The following CNTN5 variants were observed in gnomAD, a reference collection of about 807,000 sequenced individuals.
CNTN5 encodes contactin 5.
In CNTN5, 77 loss-of-function variants were observed where a neutral mutation model predicts 129.1. That is an observed-to-expected ratio of 0.60 (90% CI 0.50 to 0.72). The LOEUF (loss-of-function observed/expected upper bound fraction) is 0.72, where lower values mean the gene tolerates loss of function less well. Among genes scored for constraint, CNTN5 ranks in the 30% least tolerant of loss-of-function variants. CNTN5 has a pLI of 0.00. For missense variants in CNTN5, 1,478 were observed against 1,328.8 expected (o/e 1.11, Z -1.75); for synonymous variants, 509 against 465.6 (o/e 1.09, Z -1.20).
chr11:99,958,613 T>TA (rs1950862683), intron 8 of CNTN5, among the ~76,000 whole-genome samples: 1 of 152,166 alleles, frequency 6.6e-6, no homozygotes, highest in South Asian at 2.1e-4. Flanking sequence ...AATGTGTATA[T>TA]ATTATGCCAA....
chr11:99,261,363 T>A lies in CNTN5; in HGVS notation c.-209-63983T>A, dbSNP rs561451305. Among the ~76,000 whole-genome samples, 11 of 152,160 alleles carry A rather than the reference T, an allele frequency of 7.2e-5. 1 individual carries two copies. Among genetic ancestry groups the A allele is most frequent in the African/African-American group, 2.2e-4 (9 of 41,576 alleles). On this transcript the variant is annotated intron_variant, in intron 1 of 24. Coordinates refer to ENST00000524871, the MANE Select transcript of CNTN5 (RefSeq NM_014361.4). ...ATACCTACTCAATAGCCCCTGTTTA[T>A]TGGGTTTAATGTAGTAAAACATTGA...
chr11:100,322,673 T>C (rs1951718005), intron 21 of CNTN5, among the ~76,000 whole-genome samples: 1 of 152,196 alleles, frequency 6.6e-6, no homozygotes, highest in South Asian at 2.1e-4. Context: ...TTTTACCATA[T>C]TGAGTCTCCT....
chr11:100,041,087 C>A lies in CNTN5; in HGVS notation c.981-20125C>A, dbSNP rs146428790. ...CGTCACTCACACTAGGAGCTGTAGACTGGAGCTGTTCCTATTCGGCCATCT... is the reference window on the plus strand; with the variant it reads ...CGTCACTCACACTAGGAGCTGTAGAATGGAGCTGTTCCTATTCGGCCATCT... On this transcript the variant is annotated intron_variant, in intron 9 of 24. Transcript: ENST00000524871. Among the ~76,000 whole-genome samples, 177 of 149,894 alleles carry A rather than the reference C, an allele frequency of 1.2e-3. 1 individual carries two copies. The highest frequency in any genetic ancestry group is 4.2e-3 in the African/African-American group (172 of 40,816).
At chr11:99,236,945 A>G (rs532390032) in intron 1 of CNTN5, among the ~76,000 whole-genome samples, 39 of 151,728 alleles carry the variant, frequency 2.6e-4, no homozygotes, top group Non-Finnish European at 5.6e-4. Flanking sequence ...AATTTTCTGC[A>G]TAATTTATAT....
chr11:99,703,149 A>G (rs886334450), intron 3 of CNTN5, among the ~76,000 whole-genome samples: 21 of 149,718 alleles, frequency 1.4e-4, no homozygotes, highest in Admixed American at 2.0e-4. Context: ...CGTATTTATA[A>G]TCTTTGAGTT....
At chr11:99,939,597 A>T (rs908290240) in intron 7 of CNTN5, among the ~76,000 whole-genome samples, 1 of 151,726 alleles carries the variant, frequency 6.6e-6, no homozygotes, top group African/African-American at 2.4e-5. Context: ...TCCATGTGCC[A>T]CTGTATCAAT....
At chr11:100,257,423 C>T (rs79219724) in intron 17 of CNTN5, among the ~76,000 whole-genome samples, 27 of 152,308 alleles carry the variant, frequency 1.8e-4, no homozygotes, top group Admixed American at 9.2e-4. Context: ...CCCAGCGCAG[C>T]GCTCAAGCCC....
rs113132314 is a variant in CNTN5, at chr11:99,477,774, A to AC, written c.-70-78367dup. Among the ~76,000 whole-genome samples, 1,473 of 151,026 alleles carry AC rather than the reference A, an allele frequency of 9.8e-3. 25 individuals carry two copies. Among genetic ancestry groups the AC allele is most frequent in the African/African-American group, 0.034 (1,377 of 41,038 alleles). On this transcript the variant is annotated intron_variant, in intron 2 of 24. Transcript: ENST00000524871. ...AGACCAACCTGGCCAATATAGTGAG[A>AC]CCCCATCTCTAAAAAAAAAAAAAGG...
At chr11:99,775,693 T>C (rs1945100079) in intron 3 of CNTN5, among the ~76,000 whole-genome samples, 1 of 152,028 alleles carries the variant, frequency 6.6e-6, no homozygotes, top group South Asian at 2.1e-4. Flanking sequence ...TCTCTCTATG[T>C]ATATTTACCT....
intron 1 of CNTN5, among the ~76,000 whole-genome samples, chr11:99,195,941 C>T (rs2135605550): frequency 6.6e-6 from 1 of 152,080 alleles, no homozygotes; most frequent in Admixed American, 6.5e-5. Context: ...TAAATGCCAA[C>T]ATTAATGGCT....
chr11:99,979,704 A>G (rs1458695474), intron 8 of CNTN5, among the ~76,000 whole-genome samples: 2 of 152,204 alleles, frequency 1.3e-5, no homozygotes, highest in African/African-American at 4.8e-5. Flanking sequence ...GTTGTTATGA[A>G]CTAAGTTGTA....
In CNTN5 at chr11:99,815,215, T is replaced by C. The variant is rs113903532; in HGVS notation, c.56-4329T>C. Among the ~76,000 whole-genome samples, 13 of 151,196 alleles carry C rather than the reference T, an allele frequency of 8.6e-5. 1 individual carries two copies. Among genetic ancestry groups the C allele is most frequent in the African/African-American group, 3.1e-4 (13 of 41,536 alleles). ...CTTAAATGTAGCAAGGGGATGCAGC[T>C]ATATTCCACCCTCAACAGATTTCTG... On this transcript the variant is annotated intron_variant, in intron 3 of 24. Coordinates refer to ENST00000524871, the MANE Select transcript of CNTN5 (RefSeq NM_014361.4).
chr11:99,236,811 G>C (rs900492652), intron 1 of CNTN5, among the ~76,000 whole-genome samples: 1 of 152,004 alleles, frequency 6.6e-6, no homozygotes, highest in East Asian at 1.9e-4. Flanking sequence ...TATTTCATCA[G>C]ATGAAATTTA....
chr11:99,938,165 C>A (rs1950356608), intron 7 of CNTN5, among the ~76,000 whole-genome samples: 2 of 151,996 alleles, frequency 1.3e-5, no homozygotes, highest in African/African-American at 4.8e-5. Context: ...TTATAGCTTC[C>A]AAATCTGTAG....
intron 2 of CNTN5, among the ~76,000 whole-genome samples, chr11:99,495,196 G>A (rs1444407235): frequency 4.0e-5 from 6 of 151,874 alleles, no homozygotes; most frequent in Non-Finnish European, 5.9e-5. Context: ...ATGAAACCCC[G>A]TCTCTACTAA....
chr11:99,241,920 G>GCACA (rs941047052), intron 1 of CNTN5, among the ~76,000 whole-genome samples: 5 of 151,836 alleles, frequency 3.3e-5, no homozygotes, highest in African/African-American at 1.2e-4. Context: ...GAGGAATACA[G>GCACA]CACACACACA....
At chr11:99,199,967 A>T (rs926902080) in intron 1 of CNTN5, among the ~76,000 whole-genome samples, 6 of 151,530 alleles carry the variant, frequency 4.0e-5, no homozygotes, top group South Asian at 2.1e-4. Context: ...ATATCCATCA[A>T]CATCATCATC....
chr11:100,308,573 G>C (rs879147326), intron 21 of CNTN5, 105 bp downstream of exon 21: 1 of 1,433,466 alleles, frequency 7.0e-7, no homozygotes, highest in Non-Finnish European at 9.2e-7. Context: ...GAATTTCTTA[G>C]AAATTTTGCT....
intron 17 of CNTN5, among the ~76,000 whole-genome samples, chr11:100,270,047 A>G (rs146088197): frequency 1.4e-4 from 21 of 152,264 alleles, no homozygotes; most frequent in African/African-American, 4.6e-4. Flanking sequence ...AGCAAGAGGG[A>G]ACAGAGTTGT....
Sources: allele counts gnomAD v4.1 joint callset (sites outside exome capture counted in the v4.1 genomes callset), GRCh38; gene constraint gnomAD v4.1.1; transcripts MANE v1.5; gene names NCBI Gene and HGNC (gene_info 2026-07-23, HGNC 2026-07-21).